SOD2: variants seen among roughly 807,000 people sequenced by gnomAD.
SOD2 encodes superoxide dismutase [Mn], mitochondrial.
Under a neutral mutation model 27.0 loss-of-function variants are expected in SOD2, and 11 were observed. The observed-to-expected ratio is 0.41, with a 90% CI of 0.26 to 0.67. The LOEUF is 0.67. SOD2 is among the 30% of genes least tolerant of loss of function. The probability of loss-of-function intolerance (pLI) is 0.34; values close to 1 mark genes in which losing one functional copy is unlikely to be tolerated. For synonymous variants in SOD2, 105 were observed against 103.0 expected (o/e 1.02, Z -0.12); for missense variants, 250 against 274.5 (o/e 0.91, Z 0.63).
At chr6:159,741,994 G>A in intron 1 of SOD2, 1 of 894,670 alleles carries the variant, frequency 1.1e-6, no homozygotes, top group East Asian at 2.7e-5. Context: ...AGAATGCTCA[G>A]TATTACTAAA....
chr6:159,689,073 G>A (rs370177136), intron 2 of SOD2, among the ~76,000 whole-genome samples: 2 of 152,130 alleles, frequency 1.3e-5, no homozygotes, highest in African/African-American at 4.8e-5. Context: ...GCGAACCCTA[G>A]GTGTTTACAC....
At chr6:159,696,383 G>A (rs539116782), upstream of SOD2, among the ~76,000 whole-genome samples, 5 of 152,118 alleles carry the variant, frequency 3.3e-5, no homozygotes, top group South Asian at 4.2e-4. Context: ...GCAGTGGTGC[G>A]ATCTCGGCTC....
intron 1 of SOD2, chr6:159,755,073 T>C: frequency 6.2e-7 from 1 of 1,614,164 alleles, no homozygotes. Flanking sequence ...GTAGAGGGTA[T>C]GCAGAGTACC....
intron 1 of SOD2, among the ~76,000 whole-genome samples, chr6:159,732,876 A>G (rs970097613): frequency 3.2e-5 from 4 of 124,248 alleles, no homozygotes; most frequent in African/African-American, 1.0e-4. Context: ...CTCTCTCTGT[A>G]TATATATATA....
intron 1 of SOD2, among the ~76,000 whole-genome samples, chr6:159,752,268 C>T (rs1779847613): frequency 6.6e-6 from 1 of 152,140 alleles, no homozygotes; most frequent in South Asian, 2.1e-4. Context: ...ACCCCAAGGA[C>T]AAGAATGTCA....
At chr6:159,692,326 A>C (rs1777241864) in intron 2 of SOD2, 3 of 1,014,216 alleles carry the variant, frequency 3.0e-6, no homozygotes, top group East Asian at 6.5e-5. Context: ...TGCAAAAAAA[A>C]CGAGTGACAC....
chr6:159,712,122 T>TCCATAACCACCTCCATAACCACCA (rs1562438188), intron 1 of SOD2, among the ~76,000 whole-genome samples: 1 of 24,536 alleles, frequency 4.1e-5, no homozygotes, highest in African/African-American at 1.1e-4. Context: ...TGCTCAGACC[T>TCCATAACCACCTCCATAACCACCA]CCATAACCAC....
chr6:159,753,676 C>T lies in SOD2; in HGVS notation c.-335-5000G>A, dbSNP rs1779900152. On this transcript the variant is annotated intron_variant, in intron 1 of 7. Coordinates refer to the SOD2 transcript ENST00000546087. The stretch of plus-strand genomic sequence containing the variant: ...CTTTGCATTGGCTTTTTAAAACTGC[C>T]AGTCATGAATATTATAGGTTAGATT... The T allele has an allele frequency of 3.9e-6, 6 of 1,533,624 alleles. No individual in the cohort carries two copies. The Admixed American group carries it at 6.0e-5, about 15-fold the overall frequency.
chr6:159,742,282 T>C, intron 1 of SOD2: 1 of 657,176 alleles, frequency 1.5e-6, no homozygotes, highest in Non-Finnish European at 2.5e-6. Context: ...AGGCACTGTG[T>C]TGGGTGCAAG....
intron 1 of SOD2, among the ~76,000 whole-genome samples, chr6:159,716,564 G>T (rs1777924406): frequency 6.6e-6 from 1 of 152,126 alleles, no homozygotes; most frequent in South Asian, 2.1e-4. Flanking sequence ...GGCCAACTCT[G>T]CCTGCAAGAA....
At chr6:159,696,714 G>A (rs963150501), upstream of SOD2, among the ~76,000 whole-genome samples, 1 of 152,110 alleles carries the variant, frequency 6.6e-6, no homozygotes, top group African/African-American at 2.4e-5. Context: ...AGGCTACCTA[G>A]CACAGCCTAG....
chr6:159,728,700 T>A (rs1273271988), upstream of SOD2, among the ~76,000 whole-genome samples: 1 of 152,234 alleles, frequency 6.6e-6, no homozygotes, highest in East Asian at 1.9e-4. Context: ...ACATTTTAAT[T>A]CATTCAAGTA....
chr6:159,704,875 C>T (rs189347828), intron 1 of SOD2, among the ~76,000 whole-genome samples: 1 of 152,190 alleles, frequency 6.6e-6, no homozygotes, highest in African/African-American at 2.4e-5. Context: ...AGGCACCCCC[C>T]AGTAGGGGCA....
At chr6:159,744,674 T>C (rs1033397383) in intron 1 of SOD2, among the ~76,000 whole-genome samples, 16 of 152,222 alleles carry the variant, frequency 1.1e-4, no homozygotes, top group Non-Finnish European at 2.2e-4. Context: ...CATTTTACTT[T>C]GCTAAAGGCT....
intron 1 of SOD2, among the ~76,000 whole-genome samples, chr6:159,758,964 G>A (rs1445411294): frequency 2.0e-5 from 3 of 152,116 alleles, no homozygotes; most frequent in Admixed American, 6.5e-5. Flanking sequence ...CTCCTCATGA[G>A]TAAGCACTTG....
chr6:159,672,068 G>C lies in SOD2; in HGVS notation c.*10425C>G, dbSNP rs942534599. 6 of 152,190 alleles carry C rather than the reference G, an allele frequency of 3.9e-5. No homozygotes were observed. The highest frequency in any genetic ancestry group is 1.4e-4 in the African/African-American group (6 of 41,448). The allele number at this position is 152,190 out of a possible 1,614,324, so 9.4% of individuals were successfully genotyped here. On this transcript the variant is annotated 3_prime_UTR_variant, in exon 5 of 5. Transcript: ENST00000538183. ...AAAAGAGTAAAAAGAAACGAACAAA[G>C]CTTCCAAGAAATATGGGACTATGTG...
Position 159,682,483 on chromosome 6 carries a change from C to T in SOD2, c.*10G>A, listed in dbSNP as rs997640881. ...AAAGAGCTTAACATACTCAGCATAA[C>T]GATCGTGGTTTACTTTTTGCAAGCC... On this transcript the variant is annotated 3_prime_UTR_variant, in exon 5 of 5. Coordinates refer to ENST00000538183, the MANE Select transcript of SOD2 (RefSeq NM_000636.4). The T allele has an allele frequency of 3.7e-6, 6 of 1,611,640 alleles. No individual in the cohort carries two copies. The highest frequency in any genetic ancestry group is 5.1e-6 in the Non-Finnish European group (6 of 1,178,714).
chr6:159,729,233 T>G (rs1223547812), upstream of SOD2, among the ~76,000 whole-genome samples: 1 of 152,222 alleles, frequency 6.6e-6, no homozygotes, highest in Non-Finnish European at 1.5e-5. Context: ...TGCTTCTTGC[T>G]CCTCAAAATT....
At position 159,673,149 on chromosome 6, in the gene SOD2, G is replaced by T. The variant is rs560995671; in HGVS notation, c.*9344C>A. On this transcript the variant is annotated 3_prime_UTR_variant, in exon 5 of 5. Transcript: ENST00000538183. ...ATTTAGACTCCCACACAATAACAAT[G>T]GGAGACTCTAACACCCCACTGTCAA... is the stretch of plus-strand genomic sequence containing the variant. 1.3e-5 allele frequency: 2 copies of T among 152,212 alleles called. No individual in the cohort carries two copies. Among genetic ancestry groups the T allele is most frequent in the South Asian group, 4.1e-4 (2 of 4,822 alleles). 9.4% of individuals were successfully genotyped at this position (152,212 alleles called of 1,614,324 possible).
Sources: gnomAD v4.1 joint callset for allele counts (sites outside exome capture counted in the v4.1 genomes callset) on GRCh38, gnomAD v4.1.1 for gene constraint, MANE v1.5 for transcripts, NCBI Gene and HGNC (gene_info 2026-07-23, HGNC 2026-07-21) for gene names.